Variants in PTGIS observed in about 807,000 individuals in gnomAD.
PTGIS encodes the protein prostacyclin synthase.
In PTGIS, 45 loss-of-function variants were observed where a neutral mutation model predicts 50.3. The ratio of observed to expected loss-of-function variants is 0.90; its 90% confidence interval spans 0.70 to 1.15. The LOEUF (loss-of-function observed/expected upper bound fraction) is 1.15. Among genes scored for constraint, PTGIS ranks in the 50% most tolerant of loss-of-function variants. The pLI, the probability that PTGIS is intolerant of heterozygous loss-of-function variation, is 0.00. For missense variants in PTGIS, 668 were observed against 661.3 expected (o/e 1.01, Z -0.11); for synonymous variants, 260 against 267.7 (o/e 0.97, Z 0.28).
intron 1 of PTGIS, among the ~76,000 whole-genome samples, chr20:49,567,710 CA>C (rs1982935694): frequency 6.6e-6 from 1 of 152,226 alleles, no homozygotes; most frequent in African/African-American, 2.4e-5. Flanking sequence ...TCCCCACCCA[CA>C]AACCCTCGGT....
At chr20:49,544,836 CCTAAGGCACACAG>C (rs1427099952) in intron 3 of PTGIS, among the ~76,000 whole-genome samples, 1 of 152,168 alleles carries the variant, frequency 6.6e-6, no homozygotes, top group African/African-American at 2.4e-5. Flanking sequence ...TCTTTCCCTC[CCTAAGGCACACAG>C]CTTGGATAAG....
Position 49,504,722 on chromosome 20 carries a change from G to A in PTGIS, c.*3198C>T, listed in dbSNP as rs945009506. On this transcript the variant is annotated 3_prime_UTR_variant, in exon 10 of 10. Transcript: ENST00000244043. Reference sequence around the variant, plus strand: ...AAAAAAAAAAAAAAGTTTAAAAAGCGAGTCTGTTTAAAGGAGAATATTTGG... The same window carrying A: ...AAAAAAAAAAAAAAGTTTAAAAAGCAAGTCTGTTTAAAGGAGAATATTTGG... 5 of 151,386 alleles carry A rather than the reference G, an allele frequency of 3.3e-5. No individual in the cohort carries two copies. Among genetic ancestry groups the A allele is most frequent in the African/African-American group, 1.2e-4 (5 of 41,168 alleles). The allele number at this position is 151,386 out of a possible 1,614,324, so 9.4% of individuals were successfully genotyped here.
chr20:49,537,155 G>C (rs1299403315), intron 5 of PTGIS, among the ~76,000 whole-genome samples: 1 of 152,196 alleles, frequency 6.6e-6, no homozygotes, highest in Non-Finnish European at 1.5e-5. Context: ...CTCCCCTGGA[G>C]ACCTGGATTC....
chr20:49,534,350 T>C (rs1245107265), intron 5 of PTGIS, among the ~76,000 whole-genome samples: 1 of 152,198 alleles, frequency 6.6e-6, no homozygotes, highest in Non-Finnish European at 1.5e-5. Flanking sequence ...CCCACAGCAA[T>C]GTTCGGGGGC....
intron 1 of PTGIS, among the ~76,000 whole-genome samples, chr20:49,559,004 T>C (rs1212367723): frequency 6.6e-6 from 1 of 152,100 alleles, no homozygotes; most frequent in African/African-American, 2.4e-5. Context: ...TGAACCACCA[T>C]GCTGGGCCAG....
In PTGIS at chr20:49,549,964, G is replaced by C. The variant is rs537890386; in HGVS notation, c.198+102C>G. 2.4e-5 allele frequency: 37 copies of C among 1,559,412 alleles called. No homozygotes were observed. In the East Asian group the frequency reaches 6.1e-4, roughly 26 times the overall value. On this transcript the variant is annotated intron_variant, in intron 2 of 9. Coordinates refer to ENST00000244043, the MANE Select transcript of PTGIS (RefSeq NM_000961.4). ...TCAGATGGATGTTGGATGGTGGGGTGGGGGGGTTGGCATAGGGACATATGT... is the reference window on the plus strand; with the variant it reads ...TCAGATGGATGTTGGATGGTGGGGTCGGGGGGTTGGCATAGGGACATATGT...
chr20:49,536,478 CTTTTT>C (rs761478359), intron 5 of PTGIS, among the ~76,000 whole-genome samples: 44 of 108,672 alleles, frequency 4.0e-4, no homozygotes, highest in African/African-American at 1.7e-3. Flanking sequence ...TTCTTTCTTT[CTTTTT>C]TTTTTTTTTT....
chr20:49,549,964 G>T (rs537890386), intron 2 of PTGIS, 102 bp downstream of exon 2: 3 of 1,559,292 alleles, frequency 1.9e-6, no homozygotes, highest in South Asian at 2.2e-5. Context: ...ATGGTGGGGT[G>T]GGGGGGTTGG....
chr20:49,555,616 C>A (rs1035826383), intron 1 of PTGIS, among the ~76,000 whole-genome samples: 1 of 152,042 alleles, frequency 6.6e-6, no homozygotes, highest in African/African-American at 2.4e-5. Context: ...AGTATGTGTT[C>A]CAAAATTGTA....
chr20:49,514,218 C>A lies in PTGIS; in HGVS notation c.1024+9G>T. 6.2e-7 allele frequency: 1 copy of A among 1,613,276 alleles called. No homozygotes were observed. Among genetic ancestry groups the A allele is most frequent in the Non-Finnish European group, 8.5e-7 (1 of 1,180,002 alleles). ...TTAGGGGCTATCTTGGAGGGTCTGA[C>A]GATCTCACCAAGCACAGGTGTGCTG... On this transcript the variant is annotated intron_variant, in intron 7 of 9. Transcript: ENST00000244043.
In PTGIS at chr20:49,540,155, G is replaced by T. The variant is rs537402660; in HGVS notation, c.522-434C>A. Among the ~76,000 whole-genome samples the T allele has an allele frequency of 6.6e-6, 1 of 152,260 alleles. No homozygotes were observed. The highest frequency in any genetic ancestry group is 6.5e-5 in the Admixed American group (1 of 15,298). Reference sequence around the variant, plus strand: ...GAGCAAGCACCAGGTGTGATGTCCTGGGGCAGGAGGGAGCCCGGTGCTGGG... The same window carrying T: ...GAGCAAGCACCAGGTGTGATGTCCTTGGGCAGGAGGGAGCCCGGTGCTGGG... On this transcript the variant is annotated intron_variant, in intron 4 of 9. Transcript: ENST00000244043. This position sits in a 1 kb window ranked among gnomAD's most constrained non-coding sequence, Gnocchi z 4.8.
intron 5 of PTGIS, among the ~76,000 whole-genome samples, chr20:49,536,404 G>A (rs76951381): frequency 2.6e-5 from 4 of 151,590 alleles, no homozygotes; most frequent in Middle Eastern, 3.4e-3. Context: ...GCTTAACCTC[G>A]TATCTGGCAC....
chr20:49,511,301 A>G (rs1852573813), intron 8 of PTGIS, 122 bp from the exon 9 acceptor site: 1 of 1,126,546 alleles, frequency 8.9e-7, no homozygotes, highest in Non-Finnish European at 1.3e-6. Context: ...AACCATATAC[A>G]GGTCAATTGA....
intron 5 of PTGIS, among the ~76,000 whole-genome samples, chr20:49,534,729 C>G (rs1031251538): frequency 1.3e-5 from 2 of 152,186 alleles, no homozygotes; most frequent in Non-Finnish European, 2.9e-5. Flanking sequence ...GAATAACAAC[C>G]TTCCAGCATG....
chr20:49,539,140 A>G (rs949109206), intron 5 of PTGIS, among the ~76,000 whole-genome samples: 2 of 152,212 alleles, frequency 1.3e-5, no homozygotes, highest in Non-Finnish European at 2.9e-5. Flanking sequence ...CAAGCTAGTG[A>G]TGGTGGTTGC....
intron 1 of PTGIS, among the ~76,000 whole-genome samples, chr20:49,556,617 A>C (rs1982627074): frequency 6.6e-6 from 1 of 152,244 alleles, no homozygotes; most frequent in South Asian, 2.1e-4. Flanking sequence ...TTATGAAAAT[A>C]ATCAAGCCAA....
rs1250986257 is a variant in PTGIS, at chr20:49,544,545, A to C, written c.378-97T>G. Reference sequence around the variant, plus strand: ...CCAAACCTAAGGGTCCCAGAGCTCAAGCTCCCCATTGGCAAAGAGGTCCTG... The same window carrying C: ...CCAAACCTAAGGGTCCCAGAGCTCACGCTCCCCATTGGCAAAGAGGTCCTG... On this transcript the variant is annotated intron_variant, in intron 3 of 9. Transcript: ENST00000244043. 55 of 1,415,880 alleles carry C rather than the reference A, an allele frequency of 3.9e-5. No individual in the cohort carries two copies. In the Admixed American group the frequency reaches 9.4e-4, roughly 24 times the overall value. The allele number at this position is 1,415,880 out of a possible 1,614,324, so 87.7% of individuals were successfully genotyped here.
intron 5 of PTGIS, among the ~76,000 whole-genome samples, chr20:49,530,994 C>T (rs1317300340): frequency 2.6e-5 from 4 of 152,058 alleles, no homozygotes; most frequent in African/African-American, 7.2e-5. Context: ...CTCTTGACCT[C>T]GTGATCTGCC....
intron 8 of PTGIS, among the ~76,000 whole-genome samples, chr20:49,511,466 T>A (rs1981318325): frequency 6.6e-6 from 1 of 152,204 alleles, no homozygotes; most frequent in Non-Finnish European, 1.5e-5. Flanking sequence ...CATGTGAATG[T>A]GTTGTGTGTA....
Sources: gnomAD v4.1 joint callset for allele counts (sites outside exome capture counted in the v4.1 genomes callset) on GRCh38, gnomAD v4.1.1 for gene constraint, Gnocchi (gnomAD v3.1) non-coding constraint, MANE v1.5 for transcripts, NCBI Gene and HGNC (gene_info 2026-07-23, HGNC 2026-07-21) for gene names.